CAPZB: variants seen among roughly 807,000 people sequenced by gnomAD.
CAPZB encodes the protein F-actin-capping protein subunit beta.
CAPZB carries 2 observed loss-of-function variants against 38.1 expected under a neutral mutation model. The ratio of observed to expected loss-of-function variants is 0.05; its 90% CI spans 0.02 to 0.17. The LOEUF is 0.17. Among genes scored for constraint, CAPZB ranks in the 10% least tolerant of loss-of-function variants. The probability of loss-of-function intolerance (pLI) is 1.00; values close to 1 mark genes in which losing one functional copy is unlikely to be tolerated. For missense variants in CAPZB, 161 were observed against 334.2 expected (o/e 0.48, Z 4.04); for synonymous variants, 107 against 127.4 (o/e 0.84, Z 1.08).
chr1:19,428,764 G>A (rs762290013), intron 1 of CAPZB, among the ~76,000 whole-genome samples: 11 of 152,068 alleles, frequency 7.2e-5, no homozygotes, highest in Non-Finnish European at 2.9e-5. Flanking sequence ...TCTCCCCCGT[G>A]AGTCTTTCAT....
intron 1 of CAPZB, among the ~76,000 whole-genome samples, chr1:19,480,183 C>T (rs1570384270): frequency 1.3e-5 from 2 of 152,232 alleles, no homozygotes; most frequent in Non-Finnish European, 2.9e-5. Flanking sequence ...CTTGCCTCCC[C>T]CTCCCAGATT....
chr1:19,356,857 T>C lies in CAPZB; in HGVS notation c.472-106A>G. ...CCCTTCCTAGGTCATTATCACAATA[T>C]TACCTTTTTTTTTTTTAAATTGGAG... On this transcript the variant is annotated intron_variant, in intron 5 of 8. Coordinates refer to ENST00000264202, the MANE Select transcript of CAPZB (RefSeq NM_004930.5). This position sits in a 1 kb window ranked among gnomAD's most constrained non-coding sequence, Gnocchi z 4.3. The C allele has an allele frequency of 1.4e-6, 1 of 721,988 alleles. No individual in the cohort carries two copies. The highest frequency in any genetic ancestry group is 1.7e-5 in the South Asian group (1 of 58,760). The allele number at this position is 721,988 out of a possible 1,614,324, so 44.7% of individuals were successfully genotyped here. A position where few individuals can be genotyped will look rare whatever the true frequency, so the allele number is the denominator to read the frequency against.
chr1:19,372,074 T>C (rs1266682118), intron 4 of CAPZB, among the ~76,000 whole-genome samples: 1 of 152,242 alleles, frequency 6.6e-6, no homozygotes, highest in Non-Finnish European at 1.5e-5. Context: ...TTTCACTCTA[T>C]AAACTTCTTC....
At chr1:19,446,498 T>C (rs1228345787) in intron 1 of CAPZB, among the ~76,000 whole-genome samples, 5 of 151,890 alleles carry the variant, frequency 3.3e-5, no homozygotes, top group Non-Finnish European at 7.3e-5. Context: ...GCAATTCTCT[T>C]AGAAAGTAAT....
rs561934955 is a variant in CAPZB at position 19,387,166 on chromosome 1, C to T, written c.94-1540G>A. ...CCATTTTACAGATTAGAGTTGAGGC[C>T]GGGAGCCATAAAGTTACCCAAGGGC... On this transcript the variant is annotated intron_variant, in intron 2 of 8. Transcript: ENST00000264202. Among the ~76,000 whole-genome samples the T allele has an allele frequency of 2.8e-3, 421 of 152,216 alleles. 1 individual carries two copies. Among genetic ancestry groups the T allele is most frequent in the Non-Finnish European group, 5.2e-3 (354 of 68,034 alleles).
At chr1:19,373,875 T>G (rs1482731111) in intron 4 of CAPZB, among the ~76,000 whole-genome samples, 1 of 152,100 alleles carries the variant, frequency 6.6e-6, no homozygotes. Flanking sequence ...TTTTATTTTT[T>G]GGAGGTACAG....
intron 2 of CAPZB, among the ~76,000 whole-genome samples, chr1:19,392,187 TAAAAAAAAAAA>T (rs746920918): frequency 4.2e-5 from 1 of 23,792 alleles, no homozygotes; most frequent in African/African-American, 1.3e-4. Flanking sequence ...TGTCTCAAGG[TAAAAAAAAAAA>T]AAAAAAAAGA....
At chr1:19,392,203 A>G (rs1226828870) in intron 2 of CAPZB, among the ~76,000 whole-genome samples, 1 of 150,184 alleles carries the variant, frequency 6.7e-6, no homozygotes, top group Non-Finnish European at 1.5e-5. Flanking sequence ...AAAAAAAAAA[A>G]AAAGAGGCAG....
chr1:19,381,560 C>T (rs757834790), intron 3 of CAPZB, among the ~76,000 whole-genome samples: 3 of 152,132 alleles, frequency 2.0e-5, no homozygotes, highest in Admixed American at 1.3e-4. Flanking sequence ...ATGCTGGTCA[C>T]GGGCATGGCG....
chr1:19,448,766 A>G, intron 1 of CAPZB: 1 of 1,587,400 alleles, frequency 6.3e-7, no homozygotes, highest in South Asian at 1.1e-5. Flanking sequence ...GGCAGTTAAC[A>G]TTTCAACCCT....
chr1:19,481,755 G>A (rs1368861212), intron 1 of CAPZB, among the ~76,000 whole-genome samples: 5 of 152,200 alleles, frequency 3.3e-5, no homozygotes, highest in Non-Finnish European at 1.5e-5. Flanking sequence ...CAAAAGGCCT[G>A]GGAGTGGAGC....
intron 2 of CAPZB, among the ~76,000 whole-genome samples, chr1:19,410,546 GC>G (rs1038058706): frequency 4.6e-5 from 7 of 152,174 alleles, no homozygotes; most frequent in Non-Finnish European, 8.8e-5. Context: ...TTCCAACTGA[GC>G]CCGGGTTCCC....
At chr1:19,438,822 G>A (rs375914498) in intron 1 of CAPZB, among the ~76,000 whole-genome samples, 5 of 152,370 alleles carry the variant, frequency 3.3e-5, no homozygotes, top group South Asian at 2.1e-4. Context: ...ACTCCCCACC[G>A]GGGCCGGCGG....
At chr1:19,355,328 T>C (rs1464080896) in intron 6 of CAPZB, among the ~76,000 whole-genome samples, 1 of 151,970 alleles carries the variant, frequency 6.6e-6, no homozygotes, top group Non-Finnish European at 1.5e-5. Flanking sequence ...ATCCCATCTC[T>C]ACTAAAAATA....
At chr1:19,484,560 G>A in intron 1 of CAPZB, 1 of 1,268,284 alleles carries the variant, frequency 7.9e-7, no homozygotes, top group East Asian at 4.1e-5. Flanking sequence ...GGCCTCCCTA[G>A]AAGCGGCAAC....
intron 1 of CAPZB, among the ~76,000 whole-genome samples, chr1:19,451,629 G>A (rs568373934): frequency 6.6e-4 from 101 of 152,208 alleles, no homozygotes; most frequent in African/African-American, 2.4e-3. Flanking sequence ...ATGGGAGACA[G>A]AGGCTCTGGG....
At chr1:19,465,870 A>G (rs1411095972) in intron 1 of CAPZB, among the ~76,000 whole-genome samples, 1 of 152,160 alleles carries the variant, frequency 6.6e-6, no homozygotes, top group East Asian at 1.9e-4. Flanking sequence ...TAACAGTGAT[A>G]AGACCAACAA....
rs552385131 is a variant in CAPZB, at chr1:19,428,513, G to C, written c.4-8763C>G. ...TTTGGATTACCGTGAAAACATAACT[G>C]CTTTATGTGTCTCTCTCTTTTTTCT... On this transcript the variant is annotated intron_variant, in intron 1 of 8. Transcript: ENST00000264202. Among the ~76,000 whole-genome samples the C allele has an allele frequency of 3.9e-5, 6 of 152,156 alleles. No homozygotes were observed. In the East Asian group the frequency reaches 1.2e-3, roughly 29 times the overall value.
chr1:19,404,843 T>C (rs72959345), intron 2 of CAPZB, among the ~76,000 whole-genome samples: 7,980 of 152,294 alleles, frequency 0.052, 694 homozygotes, highest in African/African-American at 0.18. Context: ...GTATTTTCCC[T>C]ACATGACTTC....
Sources: gnomAD v4.1 joint callset for allele counts (sites outside exome capture counted in the v4.1 genomes callset) on GRCh38, gnomAD v4.1.1 for gene constraint, Gnocchi (gnomAD v3.1) non-coding constraint, MANE v1.5 for transcripts, NCBI Gene and HGNC (gene_info 2026-07-23, HGNC 2026-07-21) for gene names.